KANK3: variants seen among roughly 807,000 people sequenced by gnomAD.
KANK3 encodes the protein KN motif and ankyrin repeat domains 3.
In KANK3, 61 loss-of-function variants were observed where a neutral mutation model predicts 65.4. The observed-to-expected ratio is 0.93, with a 90% CI of 0.76 to 1.15. The LOEUF (loss-of-function observed/expected upper bound fraction) is 1.15. KANK3 is among the 50% of genes most tolerant of loss of function. The pLI, the probability that KANK3 is intolerant of heterozygous loss-of-function variation, is 0.00. For synonymous variants in KANK3, 586 were observed against 543.3 expected, an observed-to-expected ratio of 1.08 and a Z score of -1.09; for missense variants, 1,187 against 1,178.8, an observed-to-expected ratio of 1.01 and a Z score of -0.10.
intron 1 of KANK3, chr19:8,338,090 C>T (rs183468467): frequency 7.6e-5 from 37 of 486,386 alleles, no homozygotes; most frequent in Admixed American, 4.3e-4. Flanking sequence ...GCCACAATCT[C>T]GGCTCATTGC....
At chr19:8,341,328 A>G (rs1970721342) in intron 1 of KANK3, among the ~76,000 whole-genome samples, 1 of 151,168 alleles carries the variant, frequency 6.6e-6, no homozygotes, top group Non-Finnish European at 1.5e-5. Context: ...CCCTGAGCTC[A>G]AGTGATCCGC....
chr19:8,322,739 C>G lies in KANK3; in HGVS notation c.*100G>C. 2 of 583,744 alleles carry G rather than the reference C, an allele frequency of 3.4e-6. No homozygotes were observed. The highest frequency in any genetic ancestry group is 5.9e-6 in the Non-Finnish European group (2 of 340,712). The allele number at this position is 583,744 out of a possible 1,614,324, so 36.2% of individuals were successfully genotyped here. On this transcript the variant is annotated 3_prime_UTR_variant, in exon 11 of 11. Transcript: ENST00000330915. ...GCCTTTCTCTTCGGCCAGTGTTAGC[C>G]TCTGAGCAGGGGACCCTGGACCCTT...
At chr19:8,329,418 C>T (rs1296617043) in intron 7 of KANK3, among the ~76,000 whole-genome samples, 1 of 133,758 alleles carries the variant, frequency 7.5e-6, no homozygotes, top group Non-Finnish European at 1.5e-5. Context: ...ACCCGGGAGG[C>T]AGAGGTTGCA....
In KANK3 at chr19:8,335,107, G is replaced by C. The variant is rs1176901166; in HGVS notation, c.720C>G (p.Arg240=). 2.3e-6 allele frequency: 3 copies of C among 1,285,598 alleles called. No homozygotes were observed. In the African/African-American group the frequency reaches 4.7e-5, roughly 20 times the overall value. 79.6% of individuals were successfully genotyped at this position (1,285,598 alleles called of 1,614,324 possible). A position where few individuals can be genotyped will look rare whatever the true frequency, so the allele number is the denominator to read the frequency against. ...QPEPDGEAET[R]PDKLAQLRRL... is the part of the protein sequence containing the mutation. ...GCCGCAGCTGGGCGAGCTTGTCCGG[G>C]CGCGTCTCAGCCTCCCCGTCCGGCT... The change falls in exon 3 of 11, where the codon CGC becomes CGG. Residue 240 remains arginine, a synonymous_variant. Transcript: ENST00000330915.
At chr19:8,325,546 T>G (rs994120550) in intron 7 of KANK3, among the ~76,000 whole-genome samples, 2 of 151,910 alleles carry the variant, frequency 1.3e-5, no homozygotes, top group Non-Finnish European at 2.9e-5. Context: ...GTGCTGGAAT[T>G]AGAGGCATGA....
chr19:8,326,394 C>T (rs1037643029), intron 7 of KANK3, among the ~76,000 whole-genome samples: 1 of 151,238 alleles, frequency 6.6e-6, no homozygotes, highest in African/African-American at 2.4e-5. Context: ...TGCACTCCAG[C>T]CTGGGTAACA....
intron 7 of KANK3, among the ~76,000 whole-genome samples, chr19:8,326,729 G>C (rs1010844353): frequency 6.6e-6 from 1 of 151,180 alleles, no homozygotes; most frequent in African/African-American, 2.4e-5. Flanking sequence ...CCCGGGGGAC[G>C]GAGCTTGCAG....
In KANK3 at chr19:8,334,791, C is replaced by T. The variant is rs932833003; in HGVS notation, c.1036G>A (p.Gly346Arg). The T allele has an allele frequency of 6.7e-7, 1 of 1,498,742 alleles. No homozygotes were observed. Among genetic ancestry groups the T allele is most frequent in the Admixed American group, 2.2e-5 (1 of 46,302 alleles). The allele number at this position is 1,498,742 out of a possible 1,614,324, so 92.8% of individuals were successfully genotyped here. A position where few individuals can be genotyped will look rare whatever the true frequency, so the allele number is the denominator to read the frequency against. ...ADAWVTEALLGLPAAAERELE... is the reference protein window; with the variant it reads ...ADAWVTEALLRLPAAAERELE... ...TCGCGCTCGGCGGCCGCAGGCAGCC[C>T]CAGCAGCGCCTCGGTCACCCACGCG... Residue 346 changes from glycine to arginine, a missense_variant, in exon 3 of 11, where the codon GGG (glycine) becomes AGG (arginine). Coordinates refer to ENST00000330915, the MANE Select transcript of KANK3 (RefSeq NM_198471.3).
At chr19:8,340,465 C>T (rs992432296) in intron 1 of KANK3, among the ~76,000 whole-genome samples, 3 of 152,114 alleles carry the variant, frequency 2.0e-5, no homozygotes, top group Non-Finnish European at 4.4e-5. Flanking sequence ...GAACCCTTGT[C>T]AGCAGGTCCC....
intron 7 of KANK3, among the ~76,000 whole-genome samples, chr19:8,328,610 T>G (rs139682067): frequency 6.6e-6 from 1 of 151,574 alleles, no homozygotes; most frequent in African/African-American, 2.4e-5. Context: ...GTGGGGGCAG[T>G]GAAACGGAGA....
intron 2 of KANK3, among the ~76,000 whole-genome samples, chr19:8,336,057 G>A (rs1429935770): frequency 1.3e-5 from 2 of 150,752 alleles, no homozygotes; most frequent in South Asian, 2.1e-4. Context: ...CTACGGCAAT[G>A]GTAATAATAA....
rs752136296 is a variant in KANK3 at position 8,324,654 on chromosome 19, G to A, written c.2259C>T (p.Gly753=). 6.2e-7 allele frequency: 1 copy of A among 1,614,036 alleles called. No individual in the cohort carries two copies. Among genetic ancestry groups the A allele is most frequent in the Non-Finnish European group, 8.5e-7 (1 of 1,180,014 alleles). Residue 753 remains glycine, a synonymous_variant, in exon 9 of 11, where the codon GGC becomes GGT. Coordinates refer to ENST00000330915, the MANE Select transcript of KANK3 (RefSeq NM_198471.3). Reference sequence around the variant, plus strand: ...CATTGTCCAGGATGGCAGGGTCACAGCCTGGCTGGGTGAGCAGCAGCCGCA... The same window carrying A: ...CATTGTCCAGGATGGCAGGGTCACAACCTGGCTGGGTGAGCAGCAGCCGCA... ...DTVRLLLTQP[G]CDPAILDNEG... is the part of the protein sequence containing the mutation.
At position 8,334,518 on chromosome 19, in the gene KANK3, T is replaced by C. The variant is rs767812564; in HGVS notation, c.1309A>G (p.Arg437Gly). 7 of 1,604,122 alleles carry C rather than the reference T, an allele frequency of 4.4e-6. No individual in the cohort carries two copies. Among genetic ancestry groups the C allele is most frequent in the Admixed American group, 1.7e-5 (1 of 59,890 alleles). The change falls in exon 3 of 11, where the codon AGG (arginine) becomes GGG (glycine). Residue 437 changes from arginine (R) to glycine (G), a missense_variant. By Grantham distance (125) the Arg-to-Gly change is moderately radical. Transcript: ENST00000330915. ...ESSPGSMDGD[R>G]AVAPAGILKS... ...GACTCACCCGCGGGCGCCACGGCCC[T>C]GTCTCCGTCCATGGATCCGGGCGAG... is the stretch of plus-strand genomic sequence containing the variant.
intron 7 of KANK3, among the ~76,000 whole-genome samples, chr19:8,329,348 A>G (rs1599644056): frequency 6.8e-6 from 1 of 147,878 alleles, no homozygotes; most frequent in African/African-American, 2.5e-5. Context: ...TTAGCCGGGC[A>G]TGATGGCGCT....
At chr19:8,326,629 T>TAAAAAA (rs1970433398) in intron 7 of KANK3, among the ~76,000 whole-genome samples, 1 of 93,700 alleles carries the variant, frequency 1.1e-5, no homozygotes, top group African/African-American at 5.1e-5. Context: ...CTACTAAAAA[T>TAAAAAA]ACAAAAAAAA....
chr19:8,334,293 C>G (rs1970586450), intron 4 of KANK3, 27 bp downstream of exon 4: 1 of 1,612,832 alleles, frequency 6.2e-7, no homozygotes, highest in Admixed American at 1.7e-5. Context: ...CCGGCAGAAG[C>G]TGCCACAGGA....
intron 1 of KANK3, among the ~76,000 whole-genome samples, chr19:8,338,805 G>T (rs927981762): frequency 2.0e-5 from 3 of 150,572 alleles, no homozygotes; most frequent in African/African-American, 7.4e-5. Flanking sequence ...AACCCGGGAG[G>T]CGGAGCTTGC....
intron 1 of KANK3, among the ~76,000 whole-genome samples, chr19:8,341,912 G>C (rs992853337): frequency 2.6e-5 from 4 of 152,176 alleles, no homozygotes; most frequent in Admixed American, 6.5e-5. Flanking sequence ...GTCCTGCCTG[G>C]GTCCTGTCAT....
At chr19:8,331,079 G>A (rs1014885786) in intron 7 of KANK3, among the ~76,000 whole-genome samples, 1 of 151,894 alleles carries the variant, frequency 6.6e-6, no homozygotes, top group Admixed American at 6.6e-5. Flanking sequence ...TGTAGTCCCA[G>A]CTACTCGGGA....
Sources: allele counts gnomAD v4.1 joint callset (sites outside exome capture counted in the v4.1 genomes callset), GRCh38; gene constraint gnomAD v4.1.1; transcripts MANE v1.5; gene names NCBI Gene and HGNC (gene_info 2026-07-23, HGNC 2026-07-21).